The following ZNF532 variants were observed in gnomAD, a reference collection of about 807,000 sequenced individuals.
ZNF532 encodes zinc finger protein 532.
In ZNF532, 22 loss-of-function variants were observed where a neutral mutation model predicts 89.3. That is an observed-to-expected ratio of 0.25 (90% CI 0.18 to 0.35). The LOEUF is 0.35. ZNF532 is among the 10% of genes least tolerant of loss of function. The pLI is 1.00. For synonymous variants in ZNF532, 606 were observed against 649.6 expected, an observed-to-expected ratio of 0.93 and a Z score of 1.02; for missense variants, 1,132 against 1,643.4, an observed-to-expected ratio of 0.69 and a Z score of 5.38.
In ZNF532 at chr18:58,865,504, A is replaced by G. The variant is rs575872216; in HGVS notation, c.-93A>G. On this transcript the variant is annotated 5_prime_UTR_variant, in exon 2 of 10. Coordinates refer to ENST00000591808, the MANE Select transcript of ZNF532 (RefSeq NM_001375912.1). ...CTGGGGCTGCTTTTAACCCTTTCCT[A>G]TTTGCTGAGAATGCAGCCGTGTGAC... 3 of 152,590 alleles carry G rather than the reference A, an allele frequency of 2.0e-5. No homozygotes were observed. The highest frequency in any genetic ancestry group is 4.4e-5 in the Non-Finnish European group (3 of 68,040). The allele number at this position is 152,590 out of a possible 1,614,324, so 9.5% of individuals were successfully genotyped here.
intron 2 of ZNF532, among the ~76,000 whole-genome samples, chr18:58,887,595 A>C (rs2058393361): frequency 6.6e-6 from 1 of 152,068 alleles, no homozygotes; most frequent in Admixed American, 6.6e-5. Flanking sequence ...GTGGGAGAAG[A>C]GGGGAAGAAA....
At chr18:58,955,358 T>C (rs2064662347) in intron 7 of ZNF532, among the ~76,000 whole-genome samples, 2 of 152,236 alleles carry the variant, frequency 1.3e-5, no homozygotes, top group African/African-American at 4.8e-5. Context: ...TCATTTGTAA[T>C]CCTAATACTG....
At chr18:58,966,972 G>A (rs144982194) in intron 7 of ZNF532, among the ~76,000 whole-genome samples, 102 of 152,140 alleles carry the variant, frequency 6.7e-4, no homozygotes, top group African/African-American at 2.3e-3. Context: ...TGGTGTGCAC[G>A]TTTTCTCATG....
intron 7 of ZNF532, among the ~76,000 whole-genome samples, chr18:58,961,704 G>A (rs2065362370): frequency 1.3e-5 from 2 of 152,236 alleles, no homozygotes; most frequent in Admixed American, 1.3e-4. Flanking sequence ...TAGCAGAGGA[G>A]GGTAAGCAGA....
At chr18:58,907,840 A>G (rs1170731184) in intron 2 of ZNF532, among the ~76,000 whole-genome samples, 1 of 152,220 alleles carries the variant, frequency 6.6e-6, no homozygotes. Context: ...CAAGACTTCT[A>G]GCACCAGTCC....
intron 2 of ZNF532, among the ~76,000 whole-genome samples, chr18:58,904,630 T>C (rs545738625): frequency 2.0e-4 from 30 of 152,256 alleles, no homozygotes; most frequent in African/African-American, 6.5e-4. Context: ...GAGGGACCTA[T>C]TGTTTTTTAA....
chr18:58,952,919 C>T (rs2064361490), intron 6 of ZNF532, among the ~76,000 whole-genome samples: 1 of 151,830 alleles, frequency 6.6e-6, no homozygotes, highest in Admixed American at 6.6e-5. Flanking sequence ...GTTCTCAAGC[C>T]TGGCTGCCAT....
At chr18:58,888,713 A>AAAATTATATATATATAATT (rs1555708864) in intron 2 of ZNF532, among the ~76,000 whole-genome samples, 2 of 17,702 alleles carry the variant, frequency 1.1e-4, no homozygotes, top group Non-Finnish European at 2.2e-4. Flanking sequence ...ATATATATAT[A>AAAATTATATATATATAATT]TATATATATA....
intron 2 of ZNF532, among the ~76,000 whole-genome samples, chr18:58,880,825 A>C (rs2057864234): frequency 7.2e-6 from 1 of 139,602 alleles, no homozygotes; most frequent in African/African-American, 2.5e-5. Flanking sequence ...TATCTGGCAA[A>C]ATGCAAGTCT....
intron 2 of ZNF532, among the ~76,000 whole-genome samples, chr18:58,902,943 T>G (rs762011207): frequency 1.8e-4 from 27 of 152,334 alleles, no homozygotes; most frequent in Non-Finnish European, 2.2e-4. Context: ...CGTTTTTCTT[T>G]TTCCTCTGAT....
chr18:58,889,770 C>T (rs1156712315), intron 2 of ZNF532, among the ~76,000 whole-genome samples: 2 of 137,996 alleles, frequency 1.4e-5, no homozygotes, highest in Non-Finnish European at 3.1e-5. Context: ...GTGATTCCAT[C>T]TCAAAACAAA....
At position 58,919,047 on chromosome 18, in the gene ZNF532, C is replaced by T. The variant is rs755124076; in HGVS notation, c.760C>T (p.Pro254Ser). Residue 254 changes from proline (P) to serine (S), a missense_variant, in exon 3 of 10, where the codon CCC (proline) becomes TCC (serine). This residue lies in a region of ZNF532 where 302 missense variants were observed against 319.8 expected (regional missense o/e 0.94). Transcript: ENST00000591808. The surrounding 1 kb of genome is among the most constrained non-coding windows in gnomAD (Gnocchi z 6.1). ...LSSEKNDTSL[P>S]SVAPSKTKSS... Reference sequence around the variant, plus strand: ...CTCCGAGAAGAATGACACCAGCCTCCCCAGCGTTGCGCCATCAAAGACAAA... The same window carrying T: ...CTCCGAGAAGAATGACACCAGCCTCTCCAGCGTTGCGCCATCAAAGACAAA... 5.0e-6 allele frequency: 8 copies of T among 1,613,956 alleles called. No individual in the cohort carries two copies. In the South Asian group the frequency reaches 8.8e-5, roughly 18 times the overall value.
At chr18:58,910,608 A>G (rs1232397501) in intron 2 of ZNF532, among the ~76,000 whole-genome samples, 3 of 151,956 alleles carry the variant, frequency 2.0e-5, no homozygotes, top group Non-Finnish European at 4.4e-5. Context: ...CTGGGATTAC[A>G]GGCATGCACC....
chr18:58,889,881 A>C (rs982316258), intron 2 of ZNF532, among the ~76,000 whole-genome samples: 1 of 152,146 alleles, frequency 6.6e-6, no homozygotes, highest in Non-Finnish European at 1.5e-5. Context: ...CAGGAGTTTG[A>C]GACCAACCTG....
chr18:58,977,347 C>G (rs57007879), intron 7 of ZNF532: 7,457 of 152,246 alleles, frequency 0.049, 302 homozygotes, highest in East Asian at 0.19. Context: ...TCCTGGGAGG[C>G]AGGCACTGTT....
At chr18:58,907,691 G>T (rs187058825) in intron 2 of ZNF532, among the ~76,000 whole-genome samples, 3 of 152,248 alleles carry the variant, frequency 2.0e-5, no homozygotes, top group Admixed American at 2.0e-4. Flanking sequence ...CTTCCGGTCA[G>T]CATGTCTTCC....
chr18:58,931,058 T>C (rs1480286116), intron 3 of ZNF532, among the ~76,000 whole-genome samples: 1 of 152,214 alleles, frequency 6.6e-6, no homozygotes, highest in Non-Finnish European at 1.5e-5. Flanking sequence ...AGTAACAGTT[T>C]AACCGAGCAA....
Position 58,934,489 on chromosome 18 carries a change from C to T in ZNF532, c.2403C>T (p.His801=), listed in dbSNP as rs750161599. 1 of 1,614,140 alleles carries T rather than the reference C, an allele frequency of 6.2e-7. No homozygotes were observed. Among genetic ancestry groups the T allele is most frequent in the Non-Finnish European group, 8.5e-7 (1 of 1,180,000 alleles). The change falls in exon 4 of 10, where the codon CAC becomes CAT. Residue 801 remains histidine (H), a synonymous_variant. Coordinates refer to ENST00000591808, the MANE Select transcript of ZNF532 (RefSeq NM_001375912.1). ...LLPNQCSYAS[H]QRIHQHKSPY... ...CTAACCAGTGCAGTTATGCATCACA[C>T]CAGAGAATCCATCAGCACAAATCTC...
In ZNF532 at chr18:58,888,741, T is replaced by TATATATAA. The variant is rs1226823500; in HGVS notation, c.-18+23162_-18+23163insATATATAA. On this transcript the variant is annotated intron_variant, in intron 2 of 9. Coordinates refer to ENST00000591808, the MANE Select transcript of ZNF532 (RefSeq NM_001375912.1). ...TATATATATAAATTATATATATATATTTTATATATATATAAAATTAATATA... is the reference window on the plus strand; with the variant it reads ...TATATATATAAATTATATATATATATATATATAATTTATATATATATAAAATTAATATA... Among the ~76,000 whole-genome samples the TATATATAA allele has an allele frequency of 8.8e-3, 267 of 30,434 alleles. 42 individuals are homozygous for TATATATAA. Among genetic ancestry groups the TATATATAA allele is most frequent in the Non-Finnish European group, 9.5e-3 (189 of 19,854 alleles). The allele number at this position is 30,434 out of a possible 152,430, so 20.0% of individuals were successfully genotyped here.
Sources: gnomAD v4.1 joint callset for allele counts (sites outside exome capture counted in the v4.1 genomes callset) on GRCh38, gnomAD v4.1.1 for gene constraint, gnomAD v4.1.1 regional missense constraint, Gnocchi (gnomAD v3.1) non-coding constraint, MANE v1.5 for transcripts, NCBI Gene and HGNC (gene_info 2026-07-23, HGNC 2026-07-21) for gene names.